PRKG1: variants seen among roughly 807,000 people sequenced by gnomAD.
PRKG1 encodes the protein protein kinase cGMP-dependent 1.
In PRKG1, 35 loss-of-function variants were observed where a neutral mutation model predicts 88.1. The observed-to-expected ratio is 0.40, with a 90% confidence interval of 0.30 to 0.53. The LOEUF (loss-of-function observed/expected upper bound fraction) is 0.53. PRKG1 is among the 20% of genes least tolerant of loss of function. The pLI, the probability that PRKG1 is intolerant of heterozygous loss-of-function variation, is 0.59. For missense variants in PRKG1, 540 were observed against 839.8 expected, an observed-to-expected ratio of 0.64 and a Z score of 4.41; for synonymous variants, 303 against 292.5, an observed-to-expected ratio of 1.04 and a Z score of -0.37.
chr10:52,135,391 G>A (rs1197683054), intron 8 of PRKG1, among the ~76,000 whole-genome samples: 1 of 151,968 alleles, frequency 6.6e-6, no homozygotes, highest in Non-Finnish European at 1.5e-5. Context: ...TTGGGATAAG[G>A]GCAGTTCAGA....
intron 3 of PRKG1, among the ~76,000 whole-genome samples, chr10:51,750,387 A>T (rs1268300054): frequency 6.6e-6 from 1 of 152,204 alleles, no homozygotes; most frequent in Non-Finnish European, 1.5e-5. Context: ...AGATGAACAT[A>T]GACTGAATAT....
chr10:51,522,219 G>T (rs763976801), intron 3 of PRKG1, among the ~76,000 whole-genome samples: 2 of 152,138 alleles, frequency 1.3e-5, no homozygotes, highest in Non-Finnish European at 2.9e-5. Context: ...TGACATTGAA[G>T]ACCATGTAGA....
chr10:51,523,094 C>T (rs891848027), intron 3 of PRKG1, among the ~76,000 whole-genome samples: 2 of 152,002 alleles, frequency 1.3e-5, no homozygotes, highest in East Asian at 1.9e-4. Flanking sequence ...CCAGATACTG[C>T]GAGGTTGAAG....
At chr10:51,989,679 G>C (rs1431092531) in intron 5 of PRKG1, among the ~76,000 whole-genome samples, 1 of 152,044 alleles carries the variant, frequency 6.6e-6, no homozygotes, top group Non-Finnish European at 1.5e-5. Flanking sequence ...AGTTCATTGA[G>C]CAGCATAGAT....
intron 4 of PRKG1, among the ~76,000 whole-genome samples, chr10:51,868,146 C>T (rs1279398917): frequency 6.6e-6 from 1 of 152,106 alleles, no homozygotes; most frequent in Non-Finnish European, 1.5e-5. Flanking sequence ...TTTAGAAAAA[C>T]TTGGCAATAT....
intron 1 of PRKG1, among the ~76,000 whole-genome samples, chr10:51,067,635 A>G (rs1354841159): frequency 6.6e-6 from 1 of 152,050 alleles, no homozygotes; most frequent in African/African-American, 2.4e-5. Context: ...TAATCTGGGG[A>G]AAAATTAGAT....
chr10:51,545,327 T>C (rs1234427875), intron 3 of PRKG1, among the ~76,000 whole-genome samples: 5 of 152,180 alleles, frequency 3.3e-5, no homozygotes, highest in African/African-American at 1.2e-4. Context: ...CTAGTGCAGT[T>C]ATGCCATGTG....
rs186026086 is a variant in PRKG1 at position 51,530,003 on chromosome 10, A to G, written c.592+62167A>G. Among the ~76,000 whole-genome samples, 716 of 152,086 alleles carry G rather than the reference A, an allele frequency of 4.7e-3. 1 individual carries two copies. The highest frequency in any genetic ancestry group is 0.02 in the Middle Eastern group (6 of 294). On this transcript the variant is annotated intron_variant, in intron 3 of 17. Transcript: ENST00000373980. ...CTGGAGATGCTTGCTCTCTTTTTTAACTAGTCTGGAAGCAATTGCTGACTG... is the reference window on the plus strand; with the variant it reads ...CTGGAGATGCTTGCTCTCTTTTTTAGCTAGTCTGGAAGCAATTGCTGACTG...
intron 3 of PRKG1, among the ~76,000 whole-genome samples, chr10:51,531,628 A>T: frequency 6.7e-6 from 1 of 149,696 alleles, no homozygotes; most frequent in African/African-American, 2.4e-5. Flanking sequence ...TCGGACTACA[A>T]AAAGAATTCT....
intron 4 of PRKG1, among the ~76,000 whole-genome samples, chr10:51,814,865 A>G (rs74751532): frequency 0.023 from 3,513 of 152,260 alleles, 99 homozygotes; most frequent in East Asian, 0.12. Flanking sequence ...TCATATTGTT[A>G]CTTTCACCTC....
intron 12 of PRKG1, among the ~76,000 whole-genome samples, chr10:52,278,407 T>A (rs1294616203): frequency 6.6e-6 from 1 of 152,112 alleles, no homozygotes; most frequent in African/African-American, 2.4e-5. Context: ...GTATGACAAT[T>A]CCTCAAGGAT....
At chr10:51,794,598 C>T (rs1483015867) in intron 3 of PRKG1, among the ~76,000 whole-genome samples, 1 of 151,884 alleles carries the variant, frequency 6.6e-6, no homozygotes, top group Non-Finnish European at 1.5e-5. Flanking sequence ...ACATTGTATT[C>T]TTGAAAAATG....
In PRKG1 at chr10:51,737,252, A is replaced by G. The variant is rs113732562; in HGVS notation, c.593-67333A>G. On this transcript the variant is annotated intron_variant, in intron 3 of 17. Coordinates refer to ENST00000373980, the MANE Select transcript of PRKG1 (RefSeq NM_006258.4). The stretch of plus-strand genomic sequence containing the variant: ...TTCTTCCCCTGCCAATTGTTTTTCC[A>G]TATAGCTACTGCTTCACATGCCCAC... Among the ~76,000 whole-genome samples, 249 of 152,274 alleles carry G rather than the reference A, an allele frequency of 1.6e-3. 1 individual carries two copies. Among genetic ancestry groups the G allele is most frequent in the African/African-American group, 5.8e-3 (239 of 41,556 alleles).
At chr10:52,292,014 A>G (rs1842260407) in intron 17 of PRKG1, among the ~76,000 whole-genome samples, 1 of 152,172 alleles carries the variant, frequency 6.6e-6, no homozygotes, top group Non-Finnish European at 1.5e-5. Flanking sequence ...TGATCCAGTG[A>G]TGATGAGTAT....
At chr10:51,500,906 TTGATTTATTAGG>T (rs1841007125) in intron 3 of PRKG1, among the ~76,000 whole-genome samples, 1 of 152,206 alleles carries the variant, frequency 6.6e-6, no homozygotes, top group Non-Finnish European at 1.5e-5. Context: ...TGACTGTCCA[TTGATTTATTAGG>T]TTGATGCAAA....
chr10:51,675,706 A>T (rs1254388563), intron 3 of PRKG1, among the ~76,000 whole-genome samples: 1 of 152,136 alleles, frequency 6.6e-6, no homozygotes, highest in Non-Finnish European at 1.5e-5. Context: ...AAGTTTGCTA[A>T]TTTTGCTAAT....
At chr10:52,219,655 A>G (rs543005836) in intron 9 of PRKG1, among the ~76,000 whole-genome samples, 1 of 152,328 alleles carries the variant, frequency 6.6e-6, no homozygotes, top group African/African-American at 2.4e-5. Context: ...AATGTGTTGA[A>G]TAACTAACAA....
At chr10:51,808,899 A>G (rs1356391911) in intron 4 of PRKG1, among the ~76,000 whole-genome samples, 3 of 152,104 alleles carry the variant, frequency 2.0e-5, no homozygotes, top group South Asian at 2.1e-4. Flanking sequence ...GTACATCCCA[A>G]TGCCTTCCCA....
At chr10:51,628,274 A>G (rs549669498) in intron 3 of PRKG1, among the ~76,000 whole-genome samples, 3 of 150,906 alleles carry the variant, frequency 2.0e-5, no homozygotes, top group Admixed American at 2.0e-4. Context: ...GGCTGAATCT[A>G]TCCTCTGCTT....
Sources: allele counts gnomAD v4.1 joint callset (sites outside exome capture counted in the v4.1 genomes callset), GRCh38; gene constraint gnomAD v4.1.1; transcripts MANE v1.5; gene names NCBI Gene and HGNC (gene_info 2026-07-23, HGNC 2026-07-21).